Variants in PCSK5 observed in about 807,000 individuals in gnomAD.
PCSK5 encodes prohormone convertase 5.
In PCSK5, 129 loss-of-function variants were observed where a neutral mutation model predicts 233.2. That is an observed-to-expected ratio of 0.55 (90% CI 0.48 to 0.64). The LOEUF is 0.64. Ranked by LOEUF, PCSK5 falls within the 30% of genes least tolerant of loss-of-function variation. The probability of loss-of-function intolerance (pLI) is 0.00; values close to 1 mark genes in which losing one functional copy is unlikely to be tolerated. For missense variants in PCSK5, 2,076 were observed against 2,430.1 expected (o/e 0.85, Z 3.06); for synonymous variants, 825 against 879.2 (o/e 0.94, Z 1.09).
At chr9:76,150,398 C>T (rs554775846) in intron 10 of PCSK5, among the ~76,000 whole-genome samples, 1 of 152,286 alleles carries the variant, frequency 6.6e-6, no homozygotes, top group East Asian at 1.9e-4. Flanking sequence ...GTTTGGGAGG[C>T]TGACACGGGC....
chr9:75,979,540 T>G (rs1227546816), intron 2 of PCSK5, among the ~76,000 whole-genome samples: 2 of 152,188 alleles, frequency 1.3e-5, no homozygotes, highest in Non-Finnish European at 2.9e-5. Context: ...TGAGTGAGCT[T>G]CTTTCTTTGT....
intron 7 of PCSK5, among the ~76,000 whole-genome samples, chr9:76,094,183 G>A (rs947702849): frequency 6.6e-6 from 1 of 152,162 alleles, no homozygotes; most frequent in African/African-American, 2.4e-5. Flanking sequence ...TAAATATACT[G>A]TTCCTTGAGG....
At chr9:75,924,603 G>GC (rs1010617182) in intron 1 of PCSK5, among the ~76,000 whole-genome samples, 39 of 151,880 alleles carry the variant, frequency 2.6e-4, no homozygotes, top group African/African-American at 9.4e-4. Context: ...TCTTGCCCCC[G>GC]CCCCCCACTC....
At chr9:76,073,897 G>T (rs1830559372) in intron 7 of PCSK5, among the ~76,000 whole-genome samples, 1 of 151,912 alleles carries the variant, frequency 6.6e-6, no homozygotes, top group Non-Finnish European at 1.5e-5. Flanking sequence ...TTAAAAATAT[G>T]GTACTTTGGT....
chr9:76,346,351 A>G (rs868137390), intron 35 of PCSK5, among the ~76,000 whole-genome samples: 1 of 152,152 alleles, frequency 6.6e-6, no homozygotes, highest in African/African-American at 2.4e-5. Context: ...TGGGTGAATT[A>G]AGGATGATGA....
At chr9:76,319,764 G>A (rs1471194550) in intron 30 of PCSK5, among the ~76,000 whole-genome samples, 1 of 152,168 alleles carries the variant, frequency 6.6e-6, no homozygotes, top group Non-Finnish European at 1.5e-5. Flanking sequence ...CTGTGCTTCG[G>A]TGGTCACACT....
chr9:75,889,865 T>C (rs916073406), upstream of PCSK5, among the ~76,000 whole-genome samples: 4 of 152,192 alleles, frequency 2.6e-5, no homozygotes, highest in Admixed American at 2.6e-4. Context: ...ACTTCCTCTG[T>C]GGTCTTTTTC....
intron 20 of PCSK5, among the ~76,000 whole-genome samples, chr9:76,206,200 G>A (rs577385962): frequency 6.6e-6 from 1 of 152,266 alleles, no homozygotes; most frequent in East Asian, 1.9e-4. Flanking sequence ...TGCTGATGCT[G>A]CTGGTCCTAC....
intron 24 of PCSK5, among the ~76,000 whole-genome samples, chr9:76,261,021 C>T (rs759516547): frequency 6.6e-6 from 1 of 152,088 alleles, no homozygotes; most frequent in Non-Finnish European, 1.5e-5. Context: ...ATCCTGAAGA[C>T]GTTTACTCTT....
At position 76,010,726 on chromosome 9, in the gene PCSK5, C is replaced by T. The variant is rs182211691; in HGVS notation, c.412-13012C>T. Among the ~76,000 whole-genome samples, 59 of 152,238 alleles carry T rather than the reference C, an allele frequency of 3.9e-4. No homozygotes were observed. The East Asian group carries it at 8.9e-3, about 23-fold the overall frequency. On this transcript the variant is annotated intron_variant, in intron 3 of 37. Transcript: ENST00000674117. ...GTCTGTAAGGTGTTTATGTTAGTTA[C>T]CCATGAAGAGCTTACTAATTAGATA...
At chr9:76,268,546 T>C (rs377475851) in intron 24 of PCSK5, among the ~76,000 whole-genome samples, 20 of 152,308 alleles carry the variant, frequency 1.3e-4, no homozygotes, top group African/African-American at 4.1e-4. Context: ...AGTTTTAATC[T>C]TCAAAAACTA....
chr9:76,026,828 C>G, intron 4 of PCSK5, 133 bp from the exon 5 acceptor site: 1 of 588,824 alleles, frequency 1.7e-6, no homozygotes, highest in Non-Finnish European at 3.1e-6. Context: ...ACCACTGAAC[C>G]GTGAGGTGAG....
intron 5 of PCSK5, among the ~76,000 whole-genome samples, chr9:76,038,909 TC>T (rs1166151311): frequency 6.6e-6 from 1 of 152,162 alleles, no homozygotes; most frequent in Non-Finnish European, 1.5e-5. Context: ...GATTTTTATA[TC>T]AAATTGTTCA....
chr9:76,178,002 A>G (rs539593710), intron 14 of PCSK5, among the ~76,000 whole-genome samples: 5 of 151,874 alleles, frequency 3.3e-5, no homozygotes, highest in Non-Finnish European at 7.4e-5. Flanking sequence ...AGGGCCACCC[A>G]TGACTCCTTT....
chr9:76,268,019 C>T (rs1827392473), intron 24 of PCSK5, among the ~76,000 whole-genome samples: 1 of 151,842 alleles, frequency 6.6e-6, no homozygotes, highest in Non-Finnish European at 1.5e-5. Context: ...AATGTTCTAA[C>T]GTGGGACTGG....
chr9:76,062,653 T>G (rs1830069248), intron 5 of PCSK5, among the ~76,000 whole-genome samples: 1 of 152,336 alleles, frequency 6.6e-6, no homozygotes, highest in Non-Finnish European at 1.5e-5. Context: ...TACTATTTTC[T>G]TGTTAAAAAT....
intron 1 of PCSK5, among the ~76,000 whole-genome samples, chr9:75,928,299 G>C (rs995001829): frequency 2.6e-5 from 4 of 151,690 alleles, no homozygotes; most frequent in African/African-American, 9.7e-5. Flanking sequence ...GTTATATATT[G>C]TTCCTTGTTT....
chr9:76,075,288 T>C (rs1434961630), intron 7 of PCSK5, among the ~76,000 whole-genome samples: 1 of 152,048 alleles, frequency 6.6e-6, no homozygotes, highest in Non-Finnish European at 1.5e-5. Flanking sequence ...CTCTGTAGTG[T>C]CATTTATTTT....
intron 9 of PCSK5, among the ~76,000 whole-genome samples, chr9:76,108,296 A>G (rs961419651): frequency 6.6e-6 from 1 of 152,238 alleles, no homozygotes; most frequent in South Asian, 2.1e-4. Context: ...GATCATAAGA[A>G]AAAGGAACTG....
Sources: gnomAD v4.1 joint callset for allele counts (sites outside exome capture counted in the v4.1 genomes callset) on GRCh38, gnomAD v4.1.1 for gene constraint, MANE v1.5 for transcripts, NCBI Gene and HGNC (gene_info 2026-07-23, HGNC 2026-07-21) for gene names.